CNTNAP3B: variants seen among roughly 807,000 people sequenced by gnomAD.
The protein encoded by CNTNAP3B is contactin-associated protein-like 3B.
Under a neutral mutation model 108.9 loss-of-function variants are expected in CNTNAP3B, and 25 were observed. That is an observed-to-expected ratio of 0.23 (90% CI 0.17 to 0.32). CNTNAP3B has a LOEUF of 0.32. CNTNAP3B is among the 10% of genes least tolerant of loss of function. The pLI is 1.00. For synonymous variants in CNTNAP3B, 103 were observed against 473.4 expected (o/e 0.22, Z 10.16); for missense variants, 252 against 1,210.4 (o/e 0.21, Z 11.75).
At chr9:41,930,520 G>A (rs1268521038) in intron 14 of CNTNAP3B, among the ~76,000 whole-genome samples, 19 of 151,850 alleles carry the variant, frequency 1.3e-4, no homozygotes, top group Admixed American at 1.2e-3. Flanking sequence ...TCCAGCCTGG[G>A]TGGCAAAGTG....
chr9:41,953,034 A>T (rs28591333), intron 13 of CNTNAP3B, 149 bp downstream of exon 13: 4 of 1,071,894 alleles, frequency 3.7e-6, no homozygotes, highest in African/African-American at 1.7e-5. Flanking sequence ...GGTCCAACCA[A>T]GAGCGGGAAG....
At position 41,953,215 on chromosome 9, in the gene CNTNAP3B, C is replaced by A. The variant is rs2935316; in HGVS notation, c.2048G>T (p.Arg683Leu). 26 of 1,531,424 alleles carry A rather than the reference C, an allele frequency of 1.7e-5. No homozygotes were observed. Among genetic ancestry groups the A allele is most frequent in the South Asian group, 2.4e-5 (2 of 83,980 alleles). 94.9% of individuals were successfully genotyped at this position (1,531,424 alleles called of 1,614,324 possible). Reference sequence around the variant, plus strand: ...GTCCGGGCGCCGCGCTGTCCCGCAGCGCAGAGCCAGCCGCTGCTCGCAGCG... The same window carrying A: ...GTCCGGGCGCCGCGCTGTCCCGCAGAGCAGAGCCAGCCGCTGCTCGCAGCG... ...AERCEQRLAL[R>L]CGTARRPDSR... is the part of the protein sequence containing the mutation. Residue 683 changes from arginine (R) to leucine (L), a missense_variant, in exon 13 of 24, where the codon CGC becomes CTC. Arg to Leu is a moderately radical substitution (Grantham distance 102). Transcript: ENST00000377561.
At position 42,036,544 on chromosome 9, in the gene CNTNAP3B, C is replaced by T. The variant is rs1826635240; in HGVS notation, c.391-23019G>A. ...AGGCTTGAGTAGGTAAACAAAGCAG[C>T]CAGGAAGCTCAAACTGGGTAGAGCC... On this transcript the variant is annotated intron_variant, in intron 3 of 23. Transcript: ENST00000377561. Among the ~76,000 whole-genome samples, 2 of 134,676 alleles carry T rather than the reference C, an allele frequency of 1.5e-5. 1 individual carries two copies. Among genetic ancestry groups the T allele is most frequent in the African/African-American group, 6.0e-5 (2 of 33,380 alleles). The allele number at this position is 134,676 out of a possible 152,430, so 88.4% of individuals were successfully genotyped here. A position where few individuals can be genotyped will look rare whatever the true frequency, so the allele number is the denominator to read the frequency against.
In CNTNAP3B at chr9:42,079,907, G is replaced by A. The variant is rs1209342239; in HGVS notation, c.197-2845C>T. Among the ~76,000 whole-genome samples the A allele has an allele frequency of 9.1e-5, 12 of 131,820 alleles. 1 individual carries two copies. Among genetic ancestry groups the A allele is most frequent in the African/African-American group, 2.8e-4 (9 of 32,250 alleles). The allele number at this position is 131,820 out of a possible 152,430, so 86.5% of individuals were successfully genotyped here. ...CATCTTAGGCTGGATGTTGTACATT[G>A]GGAATTTTATACACAGAGCTGAAAC... On this transcript the variant is annotated intron_variant, in intron 2 of 23. Transcript: ENST00000377561.
chr9:41,950,492 C>A, intron 13 of CNTNAP3B, among the ~76,000 whole-genome samples: 1 of 114,286 alleles, frequency 8.7e-6, no homozygotes, highest in Non-Finnish European at 1.9e-5. Flanking sequence ...AACCCAGATG[C>A]CCTTCAATGA....
At chr9:42,054,431 G>A (rs1304182314) in intron 3 of CNTNAP3B, among the ~76,000 whole-genome samples, 16 of 151,344 alleles carry the variant, frequency 1.1e-4, no homozygotes, top group African/African-American at 2.9e-4. Context: ...GCACATTCAC[G>A]AGGTTCAGCC....
rs1007445607 is a variant in CNTNAP3B at position 42,080,738 on chromosome 9, G to A, written c.197-3676C>T. On this transcript the variant is annotated intron_variant, in intron 2 of 23. Coordinates refer to ENST00000377561, the MANE Select transcript of CNTNAP3B (RefSeq NM_001201380.3). ...GTCATATAAATCACCTCACAAGACT[G>A]TAAGGAAGACAATGGGATAACTGAA... Among the ~76,000 whole-genome samples the A allele has an allele frequency of 2.8e-5, 3 of 109,006 alleles. 1 individual carries two copies. The highest frequency in any genetic ancestry group is 1.1e-4 in the African/African-American group (3 of 27,008). 71.5% of individuals were successfully genotyped at this position (109,006 alleles called of 152,430 possible). A position where few individuals can be genotyped will look rare whatever the true frequency, so the allele number is the denominator to read the frequency against.
At chr9:41,935,179 G>A (rs1192124669) in intron 14 of CNTNAP3B, among the ~76,000 whole-genome samples, 1 of 152,294 alleles carries the variant, frequency 6.6e-6, no homozygotes, top group African/African-American at 2.4e-5. Context: ...TCTTTGGCAT[G>A]TTATAGTTAT....
At chr9:42,037,139 C>T (rs1826648533) in intron 3 of CNTNAP3B, among the ~76,000 whole-genome samples, 1 of 148,168 alleles carries the variant, frequency 6.7e-6, no homozygotes, top group Admixed American at 6.7e-5. Flanking sequence ...ATCAGAGCAC[C>T]TCTTCTCCTT....
At chr9:42,031,959 AG>A (rs1826529879) in intron 3 of CNTNAP3B, among the ~76,000 whole-genome samples, 1 of 120,746 alleles carries the variant, frequency 8.3e-6, no homozygotes, top group South Asian at 2.8e-4. Context: ...TTGCCATTTT[AG>A]GTAAAGCAAT....
intron 1 of CNTNAP3B, among the ~76,000 whole-genome samples, chr9:42,121,554 C>A (rs1158069865): frequency 7.2e-6 from 1 of 138,972 alleles, no homozygotes; most frequent in African/African-American, 2.9e-5. Flanking sequence ...CCCCGGCCAC[C>A]CAGGAGATGA....
rs1418317748 is a variant in CNTNAP3B at position 42,118,150 on chromosome 9, G to A, written c.85+10860C>T. Among the ~76,000 whole-genome samples the A allele has an allele frequency of 7.9e-5, 11 of 139,366 alleles. 4 individuals are homozygous for A. Among genetic ancestry groups the A allele is most frequent in the African/African-American group, 2.6e-4 (9 of 35,232 alleles). The allele number at this position is 139,366 out of a possible 152,430, so 91.4% of individuals were successfully genotyped here. A position where few individuals can be genotyped will look rare whatever the true frequency, so the allele number is the denominator to read the frequency against. On this transcript the variant is annotated intron_variant, in intron 1 of 23. Coordinates refer to ENST00000377561, the MANE Select transcript of CNTNAP3B (RefSeq NM_001201380.3). ...GAAACTATTCCAATCAACAGAAAAA[G>A]AGGGAATCCTTCCTAACTCATTTTA...
At chr9:42,054,785 G>A (rs1827028871) in intron 3 of CNTNAP3B, among the ~76,000 whole-genome samples, 1 of 151,624 alleles carries the variant, frequency 6.6e-6, no homozygotes, top group Admixed American at 6.6e-5. Context: ...TACAAAGTTA[G>A]GATGACATTT....
intron 12 of CNTNAP3B, among the ~76,000 whole-genome samples, chr9:41,958,646 G>C (rs1279736090): frequency 6.6e-6 from 1 of 151,876 alleles, no homozygotes; most frequent in Non-Finnish European, 1.5e-5. Flanking sequence ...CCTTACATGG[G>C]ACAGGATGGC....
At chr9:42,026,772 G>A (rs546109568) in intron 3 of CNTNAP3B, among the ~76,000 whole-genome samples, 1 of 135,650 alleles carries the variant, frequency 7.4e-6, no homozygotes, top group South Asian at 2.4e-4. Context: ...TAGGACCTGT[G>A]AGCCTGTATT....
At position 42,096,136 on chromosome 9, in the gene CNTNAP3B, G is replaced by A. The variant is rs1463639225; in HGVS notation, c.196+8493C>T. Reference sequence around the variant, plus strand: ...GTCCAGTCCTGTCACTGAATGTGCCGCAGCACAATGAGGATGCTGTGCAGG... The same window carrying A: ...GTCCAGTCCTGTCACTGAATGTGCCACAGCACAATGAGGATGCTGTGCAGG... On this transcript the variant is annotated intron_variant, in intron 2 of 23. Coordinates refer to ENST00000377561, the MANE Select transcript of CNTNAP3B (RefSeq NM_001201380.3). Among the ~76,000 whole-genome samples, 9 of 139,980 alleles carry A rather than the reference G, an allele frequency of 6.4e-5. 1 individual carries two copies. The highest frequency in any genetic ancestry group is 1.4e-4 in the Admixed American group (2 of 14,138). The allele number at this position is 139,980 out of a possible 152,430, so 91.8% of individuals were successfully genotyped here. A position where few individuals can be genotyped will look rare whatever the true frequency, so the allele number is the denominator to read the frequency against.
At position 42,129,257 on chromosome 9, in the gene CNTNAP3B, C is replaced by G. The variant is rs1828637919; in HGVS notation, c.-163G>C. On this transcript the variant is annotated 5_prime_UTR_variant, in exon 1 of 24. Transcript: ENST00000377561. ...CTCTTCCTCACGCACTGGCAGCCTCCCTCGGCGCTGCAGACCCTCCCGCCA... is the reference window on the plus strand; with the variant it reads ...CTCTTCCTCACGCACTGGCAGCCTCGCTCGGCGCTGCAGACCCTCCCGCCA... The G allele has an allele frequency of 9.2e-7, 1 of 1,081,108 alleles. No homozygotes were observed. Among genetic ancestry groups the G allele is most frequent in the Non-Finnish European group, 1.2e-6 (1 of 818,196 alleles). 67.0% of individuals were successfully genotyped at this position (1,081,108 alleles called of 1,614,324 possible). A position where few individuals can be genotyped will look rare whatever the true frequency, so the allele number is the denominator to read the frequency against.
intron 1 of CNTNAP3B, among the ~76,000 whole-genome samples, chr9:42,125,771 C>T (rs1340260014): frequency 7.6e-6 from 1 of 132,342 alleles, no homozygotes; most frequent in Non-Finnish European, 1.6e-5. Flanking sequence ...CACCTGCCAC[C>T]ATGCCCTGAA....
Position 41,953,337 on chromosome 9 carries a change from G to C in CNTNAP3B, c.1926C>G (p.Thr642=), listed in dbSNP as rs1240153741. ...VVRHGGPDAV[T]LRGAPSGHPL... The stretch of plus-strand genomic sequence containing the variant: ...GGTGCCCGCTGGGGGCACCTCGGAG[G>C]GTCACCGCGTCGGGGCCACCGTGCC... Residue 642 remains threonine, a synonymous_variant, in exon 13 of 24, where the codon ACC becomes ACG. Coordinates refer to ENST00000377561, the MANE Select transcript of CNTNAP3B (RefSeq NM_001201380.3). The C allele has an allele frequency of 1.9e-6, 3 of 1,552,024 alleles. No homozygotes were observed. The highest frequency in any genetic ancestry group is 2.6e-6 in the Non-Finnish European group (3 of 1,155,690).
Sources: allele counts gnomAD v4.1 joint callset (sites outside exome capture counted in the v4.1 genomes callset), GRCh38; gene constraint gnomAD v4.1.1; transcripts MANE v1.5; gene names NCBI Gene and HGNC (gene_info 2026-07-23, HGNC 2026-07-21).